The following NECTIN3 variants were observed in gnomAD, a reference collection of about 807,000 sequenced individuals.
NECTIN3 encodes the protein nectin-3.
A neutral mutation model predicts 49.4 loss-of-function variants in NECTIN3; 8 were observed. That is an observed-to-expected ratio of 0.16 (90% CI 0.10 to 0.29). The LOEUF (loss-of-function observed/expected upper bound fraction) is 0.29. Among genes scored for constraint, NECTIN3 ranks in the 10% least tolerant of loss-of-function variants. The pLI is 1.00. For missense variants in NECTIN3, 581 were observed against 654.6 expected (o/e 0.89, Z 1.23); for synonymous variants, 277 against 241.1 (o/e 1.15, Z -1.38).
At chr3:111,158,050 T>A in intron 7 of NECTIN3, among the ~76,000 whole-genome samples, 1 of 152,078 alleles carries the variant, frequency 6.6e-6, no homozygotes, top group Non-Finnish European at 1.5e-5. Flanking sequence ...CAAAAATTAC[T>A]TCAAATTTTT....
chr3:111,187,656 G>A (rs944179977), upstream of NECTIN3, among the ~76,000 whole-genome samples: 1 of 152,076 alleles, frequency 6.6e-6, no homozygotes, highest in Non-Finnish European at 1.5e-5. Context: ...AAAAGACATG[G>A]GGTAACGTTA....
chr3:111,164,737 C>T (rs368001756), intron 7 of NECTIN3, among the ~76,000 whole-genome samples: 10 of 152,170 alleles, frequency 6.6e-5, no homozygotes, highest in South Asian at 2.1e-4. Context: ...GAACACCAAT[C>T]GTTGGACTAG....
intron 7 of NECTIN3, among the ~76,000 whole-genome samples, chr3:111,181,956 C>G (rs897364098): frequency 1.3e-5 from 2 of 151,666 alleles, no homozygotes; most frequent in African/African-American, 4.8e-5. Context: ...TAATTTCAGT[C>G]CTTTCTTCTT....
intron 7 of NECTIN3, among the ~76,000 whole-genome samples, chr3:111,179,566 A>G (rs77156526): frequency 0.027 from 4,035 of 152,236 alleles, 124 homozygotes; most frequent in African/African-American, 0.077. Flanking sequence ...CAGAGGAACT[A>G]TAAGCAAATA....
intron 5 of NECTIN3, among the ~76,000 whole-genome samples, chr3:111,129,595 A>G (rs181926544): frequency 1.3e-5 from 2 of 152,298 alleles, no homozygotes; most frequent in Admixed American, 1.3e-4. Context: ...TCAAATTTTG[A>G]GTAAATATGA....
chr3:111,163,157 C>T (rs2035249621), intron 7 of NECTIN3, among the ~76,000 whole-genome samples: 1 of 152,182 alleles, frequency 6.6e-6, no homozygotes, highest in Admixed American at 6.5e-5. Flanking sequence ...GGGGCTGGAA[C>T]AGTTTACACT....
intron 1 of NECTIN3, among the ~76,000 whole-genome samples, chr3:111,110,734 G>T (rs2033421874): frequency 6.6e-6 from 1 of 151,924 alleles, no homozygotes; most frequent in African/African-American, 2.4e-5. Flanking sequence ...TTGAAGCAAT[G>T]GTTAAAAAAC....
Position 111,187,149 on chromosome 3 carries a change from A to G in NECTIN3, c.1222-5202A>G, listed in dbSNP as rs2035734233. On this transcript the variant is annotated intron_variant, in intron 7 of 8. Transcript: ENST00000493615. ...TTAAAAAACTAAGCATATACCTCAC[A>G]CCTGTAATCCCAACACTGTGGGAGG... Among the ~76,000 whole-genome samples the G allele has an allele frequency of 3.9e-5, 6 of 152,118 alleles. No homozygotes were observed. In the South Asian group the frequency reaches 1.2e-3, roughly 31 times the overall value.
chr3:111,141,009 G>A (rs779693816), downstream of NECTIN3, among the ~76,000 whole-genome samples: 3 of 151,712 alleles, frequency 2.0e-5, no homozygotes, highest in Admixed American at 6.6e-5. Context: ...CTATTACCAC[G>A]TAAAATTCAT....
chr3:111,143,987 T>C (rs2034813290), intron 5 of NECTIN3, among the ~76,000 whole-genome samples: 1 of 152,046 alleles, frequency 6.6e-6, no homozygotes, highest in South Asian at 2.1e-4. Flanking sequence ...CCACAAAATG[T>C]AGTTACTGGA....
chr3:111,137,911 G>A (rs763344063), downstream of NECTIN3, among the ~76,000 whole-genome samples: 1 of 150,514 alleles, frequency 6.6e-6, no homozygotes, highest in African/African-American at 2.4e-5. Context: ...AGCCCAGCAT[G>A]CATTAACTAT....
At chr3:111,165,563 C>T (rs956930458) in intron 7 of NECTIN3, among the ~76,000 whole-genome samples, 1 of 152,080 alleles carries the variant, frequency 6.6e-6, no homozygotes, top group African/African-American at 2.4e-5. Context: ...CCCCATACTG[C>T]CGGAGTACGG....
intron 1 of NECTIN3, among the ~76,000 whole-genome samples, chr3:111,081,824 A>G (rs930546233): frequency 3.9e-5 from 6 of 152,196 alleles, no homozygotes; most frequent in Admixed American, 1.3e-4. Context: ...TGACTCAAGC[A>G]TGAACTTTAT....
chr3:111,191,157 G>A (rs533582025), upstream of NECTIN3, among the ~76,000 whole-genome samples: 1 of 152,208 alleles, frequency 6.6e-6, no homozygotes, highest in South Asian at 2.1e-4. Flanking sequence ...AATGAAAGCA[G>A]GGATGTGAAA....
intron 1 of NECTIN3, among the ~76,000 whole-genome samples, chr3:111,089,972 G>C (rs757792669): frequency 2.6e-5 from 4 of 152,024 alleles, no homozygotes. Flanking sequence ...TTCCTGGGAC[G>C]TGGCTCTTTT....
intron 6 of NECTIN3, among the ~76,000 whole-genome samples, chr3:111,146,525 G>A (rs1021956979): frequency 1.9e-4 from 29 of 151,254 alleles, no homozygotes; most frequent in Non-Finnish European, 4.1e-4. Flanking sequence ...ACAATTTACT[G>A]GTAGGTTAAC....
At chr3:111,157,269 T>A (rs973733555) in intron 7 of NECTIN3, among the ~76,000 whole-genome samples, 2 of 151,952 alleles carry the variant, frequency 1.3e-5, no homozygotes, top group African/African-American at 4.8e-5. Flanking sequence ...CAACTTACTT[T>A]CCTTACCTTT....
chr3:111,083,167 C>T (rs2031728824), intron 1 of NECTIN3, among the ~76,000 whole-genome samples: 1 of 152,002 alleles, frequency 6.6e-6, no homozygotes, highest in African/African-American at 2.4e-5. Flanking sequence ...GGTTGGAGAC[C>T]CCTGTCTTCA....
intron 7 of NECTIN3, among the ~76,000 whole-genome samples, chr3:111,154,726 T>G (rs1302478935): frequency 6.6e-6 from 1 of 152,192 alleles, no homozygotes; most frequent in African/African-American, 2.4e-5. Flanking sequence ...AATCTGCAGT[T>G]TTCCTAGTTA....
Sources: allele counts gnomAD v4.1 joint callset (sites outside exome capture counted in the v4.1 genomes callset), GRCh38; gene constraint gnomAD v4.1.1; transcripts MANE v1.5; gene names NCBI Gene and HGNC (gene_info 2026-07-23, HGNC 2026-07-21).